NRXN1: variants seen among roughly 807,000 people sequenced by gnomAD.
NRXN1 encodes neurexin 1, also known as neurexin-1.
In NRXN1, 39 loss-of-function variants were observed where a neutral mutation model predicts 150.9. The observed-to-expected ratio is 0.26, with a 90% CI of 0.20 to 0.34. NRXN1 has a LOEUF of 0.34. NRXN1 is among the 10% of genes least tolerant of loss of function. The pLI is 1.00. For synonymous variants in NRXN1, 924 were observed against 757.0 expected (o/e 1.22, Z -3.62); for missense variants, 1,815 against 1,949.9 (o/e 0.93, Z 1.30).
chr2:50,560,638 G>A (rs1172213412), intron 8 of NRXN1, among the ~76,000 whole-genome samples: 2 of 151,892 alleles, frequency 1.3e-5, no homozygotes, highest in South Asian at 2.1e-4. Flanking sequence ...CACCATTTTG[G>A]CCAGGCTAGT....
At chr2:49,945,547 C>G (rs1428787245) in intron 21 of NRXN1, among the ~76,000 whole-genome samples, 1 of 152,036 alleles carries the variant, frequency 6.6e-6, no homozygotes, top group African/African-American at 2.4e-5. Flanking sequence ...AGACCCCCAC[C>G]CTCCAACAGG....
intron 5 of NRXN1, among the ~76,000 whole-genome samples, chr2:50,645,303 T>C (rs552166064): frequency 7.9e-5 from 12 of 151,948 alleles, no homozygotes; most frequent in Non-Finnish European, 1.5e-4. Flanking sequence ...AGTGTTTTTC[T>C]ATAAGCTACA....
At chr2:50,523,471 A>G (rs995141479) in intron 12 of NRXN1, among the ~76,000 whole-genome samples, 1 of 152,186 alleles carries the variant, frequency 6.6e-6, no homozygotes, top group Non-Finnish European at 1.5e-5. Context: ...TATGTTAACA[A>G]GCTCCAGCCC....
intron 17 of NRXN1, among the ~76,000 whole-genome samples, chr2:50,318,691 A>C (rs1427106822): frequency 6.6e-6 from 1 of 152,196 alleles, no homozygotes; most frequent in Admixed American, 6.6e-5. Flanking sequence ...TATTCCATTT[A>C]TATAAAATTC....
Position 50,529,966 on chromosome 2 carries a change from C to A in NRXN1, c.2347+1261G>T, listed in dbSNP as rs541183417. On this transcript the variant is annotated intron_variant, in intron 11 of 22. Transcript: ENST00000401669. ...GATAATTTTATATTTTATGAGTTAT[C>A]GTTCTGCCCAGCACAATTTGAAAAT... Among the ~76,000 whole-genome samples, 109 of 152,222 alleles carry A rather than the reference C, an allele frequency of 7.2e-4. 1 individual carries two copies. The highest frequency in any genetic ancestry group is 2.5e-3 in the African/African-American group (104 of 41,514).
chr2:50,839,847 C>G (rs956117434), intron 5 of NRXN1, among the ~76,000 whole-genome samples: 4 of 151,890 alleles, frequency 2.6e-5, no homozygotes, highest in Non-Finnish European at 2.9e-5. Context: ...AAAAATAAGG[C>G]GGGGAGCAAA....
chr2:50,355,629 G>A (rs979886192), intron 17 of NRXN1, among the ~76,000 whole-genome samples: 7 of 151,654 alleles, frequency 4.6e-5, no homozygotes, highest in African/African-American at 1.5e-4. Flanking sequence ...TACTTCCTTC[G>A]TCTCTTAGTA....
chr2:50,897,546 C>G (rs1227402553), intron 5 of NRXN1, among the ~76,000 whole-genome samples: 2 of 152,120 alleles, frequency 1.3e-5, no homozygotes, highest in Non-Finnish European at 2.9e-5. Flanking sequence ...ATAAAACATA[C>G]ACATAAAAAC....
intron 17 of NRXN1, among the ~76,000 whole-genome samples, chr2:50,266,600 A>G (rs540555481): frequency 3.6e-4 from 55 of 151,158 alleles, no homozygotes; most frequent in African/African-American, 1.3e-3. Context: ...GAACTAAGGT[A>G]AAGTTGCGTT....
intron 5 of NRXN1, chr2:50,632,218 G>T (rs1293470267): frequency 6.6e-6 from 1 of 151,890 alleles, no homozygotes; most frequent in East Asian, 1.9e-4. Context: ...ATAGCCAATT[G>T]CTTCTTTCTC....
chr2:50,139,324 CAAAAAAA>C (rs35142652), intron 18 of NRXN1, among the ~76,000 whole-genome samples: 2 of 77,404 alleles, frequency 2.6e-5, no homozygotes, highest in African/African-American at 9.3e-5. Context: ...GACTTGGTAT[CAAAAAAA>C]AAAAAAAAAA....
intron 17 of NRXN1, among the ~76,000 whole-genome samples, chr2:50,242,138 G>A (rs1462487259): frequency 6.6e-6 from 1 of 151,714 alleles, no homozygotes; most frequent in Non-Finnish European, 1.5e-5. Flanking sequence ...TTCCTTCAGT[G>A]AAAGTTTACA....
At chr2:50,775,805 T>A (rs1315252696) in intron 5 of NRXN1, among the ~76,000 whole-genome samples, 1 of 152,150 alleles carries the variant, frequency 6.6e-6, no homozygotes, top group Admixed American at 6.5e-5. Context: ...TGGTCTCTTA[T>A]AATCTCTTGT....
At chr2:50,546,668 T>C (rs769959087) in intron 9 of NRXN1, among the ~76,000 whole-genome samples, 1 of 152,182 alleles carries the variant, frequency 6.6e-6, no homozygotes. Context: ...ATAAACTTCT[T>C]CAGAATAAAT....
chr2:50,147,732 C>G (rs2058431641), intron 18 of NRXN1, among the ~76,000 whole-genome samples: 1 of 151,728 alleles, frequency 6.6e-6, no homozygotes, highest in Non-Finnish European at 1.5e-5. Context: ...TTGGCTTAAC[C>G]ATAGTTAAAA....
chr2:50,375,684 A>G (rs1439325876), intron 17 of NRXN1, among the ~76,000 whole-genome samples: 1 of 151,392 alleles, frequency 6.6e-6, no homozygotes, highest in African/African-American at 2.4e-5. Context: ...GCAATAGTCA[A>G]ACTGAAGCCT....
At chr2:50,172,966 CA>C (rs980937611) in intron 18 of NRXN1, among the ~76,000 whole-genome samples, 1 of 151,792 alleles carries the variant, frequency 6.6e-6, no homozygotes, top group Non-Finnish European at 1.5e-5. Context: ...GACTCCGTCT[CA>C]AAAAAATAAA....
chr2:50,704,319 T>TTCA (rs1694151324), intron 5 of NRXN1, among the ~76,000 whole-genome samples: 1 of 152,024 alleles, frequency 6.6e-6, no homozygotes, highest in African/African-American at 2.4e-5. Flanking sequence ...ATATATATTA[T>TTCA]TCATCTTTAG....
rs766045364 is a variant in NRXN1 at position 50,346,836 on chromosome 2, C to T, written c.3365-109866G>A. The T allele has an allele frequency of 6.2e-6, 10 of 1,609,122 alleles. No homozygotes were observed. In the South Asian group the frequency reaches 9.9e-5, roughly 16 times the overall value. ...CTCCTAGGAGGCCGCTGAGGGTGAG[C>T]GGGACTATCCAAAGCAGGGCCAGGC... On this transcript the variant is annotated intron_variant, in intron 17 of 22. Coordinates refer to ENST00000401669, the MANE Select transcript of NRXN1 (RefSeq NM_001330078.2). This position sits in a 1 kb window ranked among gnomAD's most constrained non-coding sequence, Gnocchi z 5.0.
Sources: allele counts gnomAD v4.1 joint callset (sites outside exome capture counted in the v4.1 genomes callset), GRCh38; gene constraint gnomAD v4.1.1; non-coding constraint Gnocchi (gnomAD v3.1); transcripts MANE v1.5; gene names NCBI Gene and HGNC (gene_info 2026-07-23, HGNC 2026-07-21).